Variants in NLRC5 observed in about 807,000 individuals in gnomAD.
NLRC5 encodes NLR family CARD domain containing 5.
In NLRC5, 114 loss-of-function variants were observed where a neutral mutation model predicts 206.9. The observed-to-expected ratio is 0.55, with a 90% CI of 0.47 to 0.64. The LOEUF is 0.64. NLRC5 is among the 30% of genes least tolerant of loss of function. The pLI is 0.00. For missense variants in NLRC5, 2,008 were observed against 2,305.5 expected (o/e 0.87, Z 2.64); for synonymous variants, 952 against 962.8 (o/e 0.99, Z 0.21).
chr16:57,008,260 C>T (rs1197418212), intron 1 of NLRC5, among the ~76,000 whole-genome samples: 1 of 152,074 alleles, frequency 6.6e-6, no homozygotes, highest in African/African-American at 2.4e-5. Flanking sequence ...ATACTTTTTC[C>T]CATGTTTTGT....
intron 1 of NLRC5, among the ~76,000 whole-genome samples, chr16:57,001,888 C>G (rs1242602003): frequency 2.6e-5 from 4 of 152,170 alleles, no homozygotes; most frequent in East Asian, 1.9e-4. Context: ...CCACCTCCCC[C>G]ACCCTGGCCT....
At chr16:57,055,803 GC>G (rs879228280) in intron 27 of NLRC5, among the ~76,000 whole-genome samples, 4 of 152,206 alleles carry the variant, frequency 2.6e-5, no homozygotes, top group Admixed American at 2.0e-4. Flanking sequence ...GCAGATGGGG[GC>G]TAAAACGCAG....
intron 1 of NLRC5, among the ~76,000 whole-genome samples, chr16:57,000,692 G>C (rs1346019403): frequency 3.3e-5 from 5 of 152,178 alleles, no homozygotes; most frequent in African/African-American, 7.2e-5. Context: ...AGGGACAACA[G>C]AGACGATGGT....
At chr16:57,002,339 G>A (rs2058353244) in intron 1 of NLRC5, among the ~76,000 whole-genome samples, 1 of 152,050 alleles carries the variant, frequency 6.6e-6, no homozygotes, top group African/African-American at 2.4e-5. Flanking sequence ...GTAGAGGAGG[G>A]GTTTTGCCAT....
At chr16:57,001,919 C>G (rs1186642461) in intron 1 of NLRC5, among the ~76,000 whole-genome samples, 1 of 151,960 alleles carries the variant, frequency 6.6e-6, no homozygotes, top group African/African-American at 2.4e-5. Context: ...TTCCCATCCT[C>G]TGGTAACCAT....
At position 57,026,853 on chromosome 16, in the gene NLRC5, A is replaced by C. The variant is rs1309291495; in HGVS notation, c.1910A>C (p.Tyr637Ser). The change falls in exon 6 of 49, where the codon TAT (tyrosine) becomes TCT (serine). Residue 637 changes from tyrosine (Y) to serine (S), a missense_variant. Transcript: ENST00000688547. ...AGTCTCACCGCACAAAGCCTCCCCT[A>C]TCAACTGCCCTTCCACAATTTCCCA... ...LASLTAQSLP[Y>S]QLPFHNFPLT... 2 of 1,614,040 alleles carry C rather than the reference A, an allele frequency of 1.2e-6. No homozygotes were observed. Among genetic ancestry groups the C allele is most frequent in the African/African-American group, 2.7e-5 (2 of 74,922 alleles).
At chr16:57,031,574 T>A in intron 11 of NLRC5, 111 bp downstream of exon 11, 1 of 990,580 alleles carries the variant, frequency 1.0e-6, no homozygotes, top group Middle Eastern at 3.0e-4. Flanking sequence ...GTATGGGAAT[T>A]CTTCCTGCTA....
At chr16:57,070,474 C>A in intron 37 of NLRC5, 61 bp from the exon 38 acceptor site, 2 of 1,460,744 alleles carry the variant, frequency 1.4e-6, no homozygotes, top group Non-Finnish European at 1.9e-6. Context: ...GCTGACAGGA[C>A]AGCTCAGCTC....
Position 57,027,172 on chromosome 16 carries a change from T to C in NLRC5, c.2075+154T>C, listed in dbSNP as rs199475977. Among the ~76,000 whole-genome samples the C allele has an allele frequency of 3.3e-4, 50 of 152,328 alleles. No homozygotes were observed. The highest frequency in any genetic ancestry group is 1.1e-3 in the African/African-American group (47 of 41,580). Reference sequence around the variant, plus strand: ...ATGCAAGAGAGGAAGCTCCATACCTTGACAGGACCTCTGGAGTCCAAATGG... The same window carrying C: ...ATGCAAGAGAGGAAGCTCCATACCTCGACAGGACCTCTGGAGTCCAAATGG... On this transcript the variant is annotated intron_variant, in intron 6 of 48. Coordinates refer to ENST00000688547, the MANE Select transcript of NLRC5 (RefSeq NM_001384950.1).
intron 37 of NLRC5, 78 bp from the exon 38 acceptor site, chr16:57,070,457 G>C: frequency 3.9e-6 from 5 of 1,281,586 alleles, no homozygotes; most frequent in Non-Finnish European, 5.6e-6. Flanking sequence ...CAGAGCAGGA[G>C]AGGGGAGCTG....
intron 15 of NLRC5, 68 bp from the exon 16 acceptor site, chr16:57,039,713 T>C: frequency 7.0e-7 from 1 of 1,428,924 alleles, no homozygotes. Flanking sequence ...TGAGACCTTC[T>C]CTCAAAAAGA....
chr16:56,995,100 A>G (rs1308472017), intron 1 of NLRC5, among the ~76,000 whole-genome samples: 2 of 152,066 alleles, frequency 1.3e-5, no homozygotes, highest in African/African-American at 4.8e-5. Flanking sequence ...CTTGAACCTG[A>G]GAGGTGGAGG....
Position 57,051,565 on chromosome 16 carries a change from G to C in NLRC5, c.3450G>C (p.Gln1150His), listed in dbSNP as rs1236208651. The change falls in exon 24 of 49, where the codon CAG (glutamine) becomes CAC (histidine). Residue 1150 changes from glutamine to histidine, a missense_variant. Coordinates refer to ENST00000688547, the MANE Select transcript of NLRC5 (RefSeq NM_001384950.1). ...TGTCCTGTGAGTTCCTGAGTGACCA[G>C]AGCCTGGAGACTCTACTGGACTGCT... is the stretch of plus-strand genomic sequence containing the variant. ...LQLSCEFLSD[Q>H]SLETLLDCLP... 6.2e-7 allele frequency: 1 copy of C among 1,614,110 alleles called. No homozygotes were observed. Among genetic ancestry groups the C allele is most frequent in the South Asian group, 1.1e-5 (1 of 91,082 alleles).
intron 1 of NLRC5, among the ~76,000 whole-genome samples, chr16:57,006,406 T>G (rs1293393877): frequency 8.6e-6 from 1 of 116,226 alleles, no homozygotes; most frequent in African/African-American, 3.1e-5. Context: ...AAGTTCATCT[T>G]CATCCTCTTT....
At chr16:57,070,459 G>T in intron 37 of NLRC5, 76 bp from the exon 38 acceptor site, 3 of 1,297,810 alleles carry the variant, frequency 2.3e-6, no homozygotes, top group Non-Finnish European at 2.2e-6. Flanking sequence ...GAGCAGGAGA[G>T]GGGAGCTGAC....
intron 1 of NLRC5, among the ~76,000 whole-genome samples, chr16:57,004,323 C>G (rs958459668): frequency 1.2e-4 from 19 of 152,274 alleles, no homozygotes; most frequent in African/African-American, 4.6e-4. Context: ...CAATGTTGCC[C>G]AGGCTCGTCT....
intron 23 of NLRC5, among the ~76,000 whole-genome samples, chr16:57,049,733 C>CAAATAAATAAAT (rs141407636): frequency 3.6e-4 from 53 of 145,290 alleles, no homozygotes; most frequent in African/African-American, 8.7e-4. Flanking sequence ...GACTCTGTCT[C>CAAATAAATAAAT]AAATAAATAA....
intron 14 of NLRC5, 88 bp downstream of exon 14, chr16:57,036,271 C>A: frequency 8.3e-7 from 1 of 1,204,114 alleles, no homozygotes; most frequent in Non-Finnish European, 1.2e-6. Context: ...AGTAAGGGTG[C>A]TGATCCACTG....
In NLRC5 at chr16:57,077,991, G is replaced by T; in HGVS notation, c.5052G>T (p.Gln1684His). Residue 1684 changes from glutamine to histidine, a missense_variant, in exon 43 of 49, where the codon CAG (glutamine) becomes CAT (histidine). Transcript: ENST00000688547. ...ATCCCACAGCCCTGGGGCTGGCTCA[G>T]GAGCTGCCCCAGCACCTGAGGGTCC... ...LGDPTALGLA[Q>H]ELPQHLRVLH... is the part of the protein sequence containing the mutation. 1.2e-6 allele frequency: 2 copies of T among 1,611,020 alleles called. No individual in the cohort carries two copies. Among genetic ancestry groups the T allele is most frequent in the Non-Finnish European group, 1.7e-6 (2 of 1,178,252 alleles).
Sources: allele counts gnomAD v4.1 joint callset (sites outside exome capture counted in the v4.1 genomes callset), GRCh38; gene constraint gnomAD v4.1.1; transcripts MANE v1.5; gene names NCBI Gene and HGNC (gene_info 2026-07-23, HGNC 2026-07-21).